Variants in XRRA1 observed in about 807,000 individuals in gnomAD.
XRRA1 encodes the protein X-ray radiation resistance associated 1.
In XRRA1, 69 loss-of-function variants were observed where a neutral mutation model predicts 80.2. That is an observed-to-expected ratio of 0.86 (90% confidence interval 0.71 to 1.05). The LOEUF (loss-of-function observed/expected upper bound fraction) is 1.05, where lower values mean the gene tolerates loss of function less well. Among genes scored for constraint, XRRA1 ranks in the 50% least tolerant of loss-of-function variants. XRRA1 has a pLI of 0.00. For missense variants in XRRA1, 967 were observed against 976.4 expected (o/e 0.99, Z 0.13); for synonymous variants, 348 against 389.9 (o/e 0.89, Z 1.27).
intron 15 of XRRA1, among the ~76,000 whole-genome samples, chr11:74,846,919 A>ATT (rs750070156): frequency 2.1e-5 from 3 of 140,338 alleles, no homozygotes; most frequent in African/African-American, 2.6e-5. Context: ...AAAAAAAAAG[A>ATT]TTTTTTTTTT....
intron 1 of XRRA1, among the ~76,000 whole-genome samples, chr11:74,946,810 G>T (rs1015404967): frequency 2.0e-5 from 3 of 150,556 alleles, no homozygotes; most frequent in Non-Finnish European, 4.4e-5. Flanking sequence ...GGAGTGCAGT[G>T]TCGCTATCTC....
intron 10 of XRRA1, among the ~76,000 whole-genome samples, chr11:74,883,112 C>T (rs998835052): frequency 5.6e-4 from 85 of 152,316 alleles, no homozygotes; most frequent in African/African-American, 5.1e-4. Context: ...CCCCCAGCCT[C>T]GCTGCCGCCT....
At chr11:74,881,291 C>G (rs1196026129) in intron 10 of XRRA1, among the ~76,000 whole-genome samples, 2 of 149,654 alleles carry the variant, frequency 1.3e-5, no homozygotes, top group African/African-American at 2.6e-5. Context: ...CAACCCCTGC[C>G]TTTTTTTTGT....
At chr11:74,862,608 G>T (rs1466699693) in intron 11 of XRRA1, among the ~76,000 whole-genome samples, 1 of 152,208 alleles carries the variant, frequency 6.6e-6, no homozygotes, top group Non-Finnish European at 1.5e-5. Context: ...CCAGCTTTGG[G>T]GGACTCTTGT....
rs150654703 is a variant in XRRA1 at position 74,946,742 on chromosome 11, T to C, written c.-72-1657A>G. Among the ~76,000 whole-genome samples the C allele has an allele frequency of 2.5e-3, 375 of 151,780 alleles. 1 individual carries two copies. Among genetic ancestry groups the C allele is most frequent in the African/African-American group, 8.5e-3 (350 of 41,310 alleles). On this transcript the variant is annotated intron_variant, in intron 1 of 18. Transcript: ENST00000684022. ...AGGTCAGGTCAGGCCTGGGTCCTAC[T>C]TACCTCTTTTTCTTTTTTTTTTTTT... is the stretch of plus-strand genomic sequence containing the variant.
At chr11:74,926,349 T>A (rs1291448437) in intron 7 of XRRA1, among the ~76,000 whole-genome samples, 1 of 152,218 alleles carries the variant, frequency 6.6e-6, no homozygotes, top group Non-Finnish European at 1.5e-5. Flanking sequence ...AAGACCAGGT[T>A]AAGTGAGGCT....
chr11:74,924,748 G>A (rs1050898906), intron 7 of XRRA1, among the ~76,000 whole-genome samples: 1 of 152,134 alleles, frequency 6.6e-6, no homozygotes, highest in African/African-American at 2.4e-5. Context: ...CATGAGAATC[G>A]CTTGAACCCA....
At chr11:74,924,200 G>A (rs1022912946) in intron 7 of XRRA1, among the ~76,000 whole-genome samples, 3 of 151,446 alleles carry the variant, frequency 2.0e-5, no homozygotes, top group Non-Finnish European at 4.4e-5. Flanking sequence ...AGTGGGCCGG[G>A]CGCGGTGGCT....
chr11:74,870,769 C>G (rs1239996132), intron 10 of XRRA1, among the ~76,000 whole-genome samples: 2 of 152,142 alleles, frequency 1.3e-5, no homozygotes, highest in East Asian at 1.9e-4. Flanking sequence ...TTGTACTCCT[C>G]TACTAGAGGC....
At chr11:74,853,242 G>A (rs1218852007) in intron 12 of XRRA1, among the ~76,000 whole-genome samples, 7 of 152,348 alleles carry the variant, frequency 4.6e-5, no homozygotes. Flanking sequence ...GGTAAAAGGT[G>A]TCTCTGAGGT....
At chr11:74,890,838 C>T (rs888889104) in intron 10 of XRRA1, among the ~76,000 whole-genome samples, 18 of 152,098 alleles carry the variant, frequency 1.2e-4, no homozygotes, top group Non-Finnish European at 2.2e-4. Flanking sequence ...ATACACCCTC[C>T]CAAGGCTAAA....
chr11:74,852,934 T>C (rs1227072670), intron 12 of XRRA1, among the ~76,000 whole-genome samples: 2 of 152,216 alleles, frequency 1.3e-5, no homozygotes, highest in Non-Finnish European at 2.9e-5. Context: ...GTCCAAGGGC[T>C]GGAAGAGGGA....
intron 10 of XRRA1, among the ~76,000 whole-genome samples, chr11:74,865,639 C>A (rs2136064445): frequency 6.6e-6 from 1 of 152,314 alleles, no homozygotes; most frequent in Admixed American, 6.5e-5. Flanking sequence ...TGACATACAC[C>A]TGTCTAAGCC....
intron 12 of XRRA1, among the ~76,000 whole-genome samples, chr11:74,857,903 C>T (rs1054086172): frequency 4.0e-5 from 6 of 151,850 alleles, no homozygotes; most frequent in African/African-American, 1.5e-4. Flanking sequence ...ATATTTTAAT[C>T]GAATGAAAAT....
chr11:74,845,752 G>A (rs1303028491), intron 15 of XRRA1, among the ~76,000 whole-genome samples: 5 of 152,192 alleles, frequency 3.3e-5, no homozygotes, highest in Middle Eastern at 3.2e-3. Flanking sequence ...GACCCGGATC[G>A]GTAAGGACCA....
At chr11:74,911,542 A>G (rs2138437830) in intron 8 of XRRA1, 1 of 152,328 alleles carries the variant, frequency 6.6e-6, no homozygotes, top group African/African-American at 2.4e-5. Flanking sequence ...AATGATGAAT[A>G]AAATATAAAA....
intron 10 of XRRA1, among the ~76,000 whole-genome samples, chr11:74,891,658 T>C (rs994662051): frequency 6.6e-5 from 10 of 152,230 alleles, no homozygotes; most frequent in South Asian, 4.1e-4. Flanking sequence ...GAAAACCCCA[T>C]TGTCTCAGCC....
chr11:74,887,471 T>G (rs150795260), intron 10 of XRRA1, among the ~76,000 whole-genome samples: 3,651 of 152,214 alleles, frequency 0.024, 133 homozygotes, highest in African/African-American at 0.084. Flanking sequence ...TAGGAACAGC[T>G]CCAGTCTACA....
intron 10 of XRRA1, among the ~76,000 whole-genome samples, chr11:74,872,468 G>A (rs550332860): frequency 9.8e-5 from 15 of 152,292 alleles, no homozygotes; most frequent in South Asian, 4.1e-4. Context: ...GAGGAAACGC[G>A]AGAGAAGGCA....
Sources: gnomAD v4.1 joint callset for allele counts (sites outside exome capture counted in the v4.1 genomes callset) on GRCh38, gnomAD v4.1.1 for gene constraint, MANE v1.5 for transcripts, NCBI Gene and HGNC (gene_info 2026-07-23, HGNC 2026-07-21) for gene names.